TNK2: variants seen among roughly 807,000 people sequenced by gnomAD.
TNK2 encodes activated CDC42 kinase 1.
In TNK2, 83 loss-of-function variants were observed where a neutral mutation model predicts 101.8. The ratio of observed to expected loss-of-function variants is 0.82; its 90% CI spans 0.68 to 0.98. The LOEUF is 0.98. Ranked by LOEUF, TNK2 falls within the 50% of genes least tolerant of loss-of-function variation. The probability of loss-of-function intolerance (pLI) is 0.00; values close to 1 mark genes in which losing one functional copy is unlikely to be tolerated. For synonymous variants in TNK2, 804 were observed against 633.0 expected, an observed-to-expected ratio of 1.27 and a Z score of -4.06; for missense variants, 1,665 against 1,483.2, an observed-to-expected ratio of 1.12 and a Z score of -2.01.
chr3:195,867,791 A>T lies in TNK2; in HGVS notation c.2507T>A (p.Phe836Tyr). Residue 836 changes from phenylalanine to tyrosine, a missense_variant, in exon 13 of 16, where the codon TTT becomes TAT. By Grantham distance (22) the Phe-to-Tyr change is conservative (BLOSUM62 3). This residue lies in a region of TNK2 where 1,136 missense variants were observed against 894.9 expected (regional missense o/e 1.27). Coordinates refer to ENST00000672887, the MANE Select transcript of TNK2 (RefSeq NM_001382273.1). ...PGKTMPTTQS[F>Y]ASDPKYATPQ... ...GGTGGCGTACTTGGGGTCTGAGGCA[A>T]AGCTCTGGGTGGTGGGCATGGTCTT... is the stretch of plus-strand genomic sequence containing the variant. 1 of 1,574,200 alleles carries T rather than the reference A, an allele frequency of 6.4e-7. No homozygotes were observed. Among genetic ancestry groups the T allele is most frequent in the Non-Finnish European group, 8.6e-7 (1 of 1,162,546 alleles).
In TNK2 at chr3:195,879,401, T is replaced by C. The variant is rs377370570; in HGVS notation, c.888-226A>G. On this transcript the variant is annotated intron_variant, in intron 6 of 15. Transcript: ENST00000672887. ...GGCCTCTTATTCACTTGCAGCCTGG[T>C]GGGGGAAGAGGAAAGGAAGTTTCCC... is the stretch of plus-strand genomic sequence containing the variant. The C allele has an allele frequency of 6.0e-6, 3 of 502,130 alleles. No homozygotes were observed. The East Asian group carries it at 1.1e-4, about 19-fold the overall frequency. The allele number at this position is 502,130 out of a possible 1,614,324, so 31.1% of individuals were successfully genotyped here. A position where few individuals can be genotyped will look rare whatever the true frequency, so the allele number is the denominator to read the frequency against.
At chr3:195,887,835 CGTG>C (rs990209021) in intron 2 of TNK2, among the ~76,000 whole-genome samples, 1 of 145,832 alleles carries the variant, frequency 6.9e-6, no homozygotes, top group Non-Finnish European at 1.5e-5. Flanking sequence ...TGCGCACACA[CGTG>C]TGTGTGTGTG....
At chr3:195,891,801 G>T in intron 1 of TNK2, 3 of 448,528 alleles carry the variant, frequency 6.7e-6, no homozygotes, top group African/African-American at 2.1e-5. Flanking sequence ...ACAGCTCAAA[G>T]CCATGCCCGG....
Position 195,885,081 on chromosome 3 carries a change from CA to C in TNK2, c.235-49del. 1 of 1,513,062 alleles carries C rather than the reference CA, an allele frequency of 6.6e-7. No homozygotes were observed. Among genetic ancestry groups the C allele is most frequent in the Non-Finnish European group, 8.9e-7 (1 of 1,119,136 alleles). The allele number at this position is 1,513,062 out of a possible 1,614,324, so 93.7% of individuals were successfully genotyped here. On this transcript the variant is annotated intron_variant, in intron 3 of 15. Coordinates refer to ENST00000672887, the MANE Select transcript of TNK2 (RefSeq NM_001382273.1). The surrounding 1 kb of genome is among the most constrained non-coding windows in gnomAD (Gnocchi z 4.7). ...CAGATGGAATCCAACACCCCAGGGTCAGTCACTCAGTCCCACCCCGCTGGGT... is the reference window on the plus strand; with the variant it reads ...CAGATGGAATCCAACACCCCAGGGTCGTCACTCAGTCCCACCCCGCTGGGT...
intron 1 of TNK2, among the ~76,000 whole-genome samples, chr3:195,906,601 G>A (rs1359505356): frequency 6.6e-6 from 1 of 151,808 alleles, no homozygotes; most frequent in Admixed American, 6.6e-5. Flanking sequence ...AGGAGCGGGG[G>A]ATGGAGGGGT....
chr3:195,885,247 G>T lies in TNK2; in HGVS notation c.235-214C>A. On this transcript the variant is annotated intron_variant, in intron 3 of 15. Coordinates refer to ENST00000672887, the MANE Select transcript of TNK2 (RefSeq NM_001382273.1). This position sits in a 1 kb window ranked among gnomAD's most constrained non-coding sequence, Gnocchi z 4.7. ...ACCCAAAGCCTGATGCTGGCCTCAA[G>T]GAGGGTGCCAGAAAGAGACCGACAG... 1 of 1,071,150 alleles carries T rather than the reference G, an allele frequency of 9.3e-7. No individual in the cohort carries two copies. The highest frequency in any genetic ancestry group is 1.3e-6 in the Non-Finnish European group (1 of 767,888). 66.4% of individuals were successfully genotyped at this position (1,071,150 alleles called of 1,614,324 possible). A position where few individuals can be genotyped will look rare whatever the true frequency, so the allele number is the denominator to read the frequency against.
In TNK2 at chr3:195,878,101, C is replaced by G; in HGVS notation, c.1256+152G>C. The G allele has an allele frequency of 2.7e-6, 2 of 743,196 alleles. No homozygotes were observed. Among genetic ancestry groups the G allele is most frequent in the Non-Finnish European group, 4.6e-6 (2 of 438,564 alleles). 46.0% of individuals were successfully genotyped at this position (743,196 alleles called of 1,614,324 possible). Reference sequence around the variant, plus strand: ...AGGCACTAGGAAGACGGAGGCAGGCCTGTCCTCCCCTCACACTGCAGGGTT... The same window carrying G: ...AGGCACTAGGAAGACGGAGGCAGGCGTGTCCTCCCCTCACACTGCAGGGTT... On this transcript the variant is annotated intron_variant, in intron 9 of 15. Coordinates refer to ENST00000672887, the MANE Select transcript of TNK2 (RefSeq NM_001382273.1). The surrounding 1 kb of genome is among the most constrained non-coding windows in gnomAD (Gnocchi z 4.7).
rs1395280110 is a variant in TNK2 at position 195,888,256 on chromosome 3, T to C, written c.163+170A>G. On this transcript the variant is annotated intron_variant, in intron 2 of 15. Transcript: ENST00000672887. The surrounding 1 kb of genome is among the most constrained non-coding windows in gnomAD (Gnocchi z 5.3). ...CACTCTCCTCAAACTCCAATTCACC[T>C]TTATAACTGCCAACTGTTCTCATCA... is the stretch of plus-strand genomic sequence containing the variant. Among the ~76,000 whole-genome samples, 3 of 152,124 alleles carry C rather than the reference T, an allele frequency of 2.0e-5. No individual in the cohort carries two copies. The highest frequency in any genetic ancestry group is 6.5e-5 in the Admixed American group (1 of 15,284).
At position 195,885,559 on chromosome 3, in the gene TNK2, G is replaced by A. The variant is rs745715921; in HGVS notation, c.235-526C>T. ...GCCCTTCATCCTGCCCAGGGGAGAG[G>A]ATAATTTTAGTCTGAGGTTGAACCG... is the stretch of plus-strand genomic sequence containing the variant. On this transcript the variant is annotated intron_variant, in intron 3 of 15. Coordinates refer to ENST00000672887, the MANE Select transcript of TNK2 (RefSeq NM_001382273.1). This position sits in a 1 kb window ranked among gnomAD's most constrained non-coding sequence, Gnocchi z 4.7. The A allele has an allele frequency of 2.2e-4, 278 of 1,290,638 alleles. No individual in the cohort carries two copies. The highest frequency in any genetic ancestry group is 4.2e-4 in the Middle Eastern group (2 of 4,720). The allele number at this position is 1,290,638 out of a possible 1,614,324, so 79.9% of individuals were successfully genotyped here.
intron 1 of TNK2, chr3:195,895,403 C>T: frequency 2.6e-6 from 4 of 1,532,842 alleles, no homozygotes; most frequent in South Asian, 1.2e-5. Context: ...CCTGGGGGGC[C>T]GGGCCTCGAG....
rs1560467055 is a variant in TNK2, at chr3:195,867,257, G to A, written c.2945C>T (p.Ala982Val). The change falls in exon 14 of 16, where the codon GCC becomes GTC. Residue 982 changes from alanine to valine, a missense_variant. By Grantham distance (64) the Ala-to-Val change is moderately conservative. Coordinates refer to ENST00000672887, the MANE Select transcript of TNK2 (RefSeq NM_001382273.1). ...CTCTGTGGTCACCCCATGCACCATG[G>A]CCTGCAGCTGGGCACACCCACCCCT... ...RPADKIQMLQ[A>V]MVHGVTTEEC... 5 of 1,611,972 alleles carry A rather than the reference G, an allele frequency of 3.1e-6. No homozygotes were observed. The Admixed American group carries it at 6.7e-5, about 22-fold the overall frequency.
At chr3:195,881,638 C>CG (rs1753060288) in intron 6 of TNK2, among the ~76,000 whole-genome samples, 1 of 85,922 alleles carries the variant, frequency 1.2e-5, no homozygotes, top group Non-Finnish European at 2.2e-5. Flanking sequence ...TTGTAACACC[C>CG]CCCCCCCAGC....
rs1202163036 is a variant in TNK2 at position 195,882,623 on chromosome 3, C to T, written c.610-295G>A. The stretch of plus-strand genomic sequence containing the variant: ...CTGTAATCCCAGCACTTTGGGAGGC[C>T]GAGGTGGGTGGATCATTTGAGGTCA... On this transcript the variant is annotated intron_variant, in intron 5 of 15. Coordinates refer to ENST00000672887, the MANE Select transcript of TNK2 (RefSeq NM_001382273.1). This position sits in a 1 kb window ranked among gnomAD's most constrained non-coding sequence, Gnocchi z 4.2. 45 of 1,076,866 alleles carry T rather than the reference C, an allele frequency of 4.2e-5. No homozygotes were observed. Among genetic ancestry groups the T allele is most frequent in the Middle Eastern group, 2.5e-4 (1 of 3,998 alleles). The allele number at this position is 1,076,866 out of a possible 1,614,324, so 66.7% of individuals were successfully genotyped here. A position where few individuals can be genotyped will look rare whatever the true frequency, so the allele number is the denominator to read the frequency against.
Position 195,885,732 on chromosome 3 carries a change from G to A in TNK2, c.235-699C>T, listed in dbSNP as rs1755326109. 1 of 514,136 alleles carries A rather than the reference G, an allele frequency of 1.9e-6. No individual in the cohort carries two copies. Among genetic ancestry groups the A allele is most frequent in the Non-Finnish European group, 3.2e-6 (1 of 310,190 alleles). The allele number at this position is 514,136 out of a possible 1,614,324, so 31.8% of individuals were successfully genotyped here. On this transcript the variant is annotated intron_variant, in intron 3 of 15. Transcript: ENST00000672887. The surrounding 1 kb of genome is among the most constrained non-coding windows in gnomAD (Gnocchi z 4.7). Reference sequence around the variant, plus strand: ...CGGAGGCCAGGGTGGACAGGGAGGAGCCGAAGGTCAAGGGACAGAAGAAAG... The same window carrying A: ...CGGAGGCCAGGGTGGACAGGGAGGAACCGAAGGTCAAGGGACAGAAGAAAG...
intron 1 of TNK2, chr3:195,892,432 T>TC (rs1172099949): frequency 6.5e-7 from 1 of 1,535,132 alleles, no homozygotes; most frequent in Non-Finnish European, 8.7e-7. Flanking sequence ...GTCGCCGCAG[T>TC]CTGGCCAGGA....
rs1240598030 is a variant in TNK2, at chr3:195,868,990, C to T, written c.1589-281G>A. 245 of 503,302 alleles carry T rather than the reference C, an allele frequency of 4.9e-4. 3 individuals are homozygous for T. In the East Asian group the frequency reaches 7.9e-3, roughly 16 times the overall value. The allele number at this position is 503,302 out of a possible 1,614,324, so 31.2% of individuals were successfully genotyped here. On this transcript the variant is annotated intron_variant, in intron 12 of 15. Coordinates refer to ENST00000672887, the MANE Select transcript of TNK2 (RefSeq NM_001382273.1). ...GCAAGCAACACTGGCTCCTGCCTGA[C>T]GCTGCCTCCACCAGCACAAGACCCC... is the stretch of plus-strand genomic sequence containing the variant.
Position 195,888,096 on chromosome 3 carries a change from C to G in TNK2, c.163+330G>C, listed in dbSNP as rs113278004. Among the ~76,000 whole-genome samples, 336 of 152,114 alleles carry G rather than the reference C, an allele frequency of 2.2e-3. 1 individual carries two copies. The highest frequency in any genetic ancestry group is 7.6e-3 in the African/African-American group (313 of 41,456). ...TACAGATCTCTGCACATGGACCCCC[C>G]GGTAGTCAGAATGATGAGAACAGAC... On this transcript the variant is annotated intron_variant, in intron 2 of 15. Coordinates refer to ENST00000672887, the MANE Select transcript of TNK2 (RefSeq NM_001382273.1). The surrounding 1 kb of genome is among the most constrained non-coding windows in gnomAD (Gnocchi z 5.3).
chr3:195,865,993 AG>A (rs1356430444), intron 15 of TNK2, among the ~76,000 whole-genome samples: 1 of 151,788 alleles, frequency 6.6e-6, no homozygotes, highest in East Asian at 1.9e-4. Context: ...GGCCCGTGTC[AG>A]CCCCTCCTCC....
intron 1 of TNK2, chr3:195,892,153 G>C (rs1577104073): frequency 1.7e-6 from 1 of 576,750 alleles, no homozygotes; most frequent in East Asian, 3.5e-5. Flanking sequence ...CTCCAATTCT[G>C]CATGGTCCTG....
Sources: gnomAD v4.1 joint callset for allele counts (sites outside exome capture counted in the v4.1 genomes callset) on GRCh38, gnomAD v4.1.1 for gene constraint, gnomAD v4.1.1 regional missense constraint, Gnocchi (gnomAD v3.1) non-coding constraint, MANE v1.5 for transcripts, NCBI Gene and HGNC (gene_info 2026-07-23, HGNC 2026-07-21) for gene names.